NAALAD2: variants seen among roughly 807,000 people sequenced by gnomAD.
The protein encoded by NAALAD2 is N-acetylated-alpha-linked acidic dipeptidase 2.
A neutral mutation model predicts 95.6 loss-of-function variants in NAALAD2; 89 were observed. The observed-to-expected ratio is 0.93, with a 90% CI of 0.78 to 1.11. The LOEUF (loss-of-function observed/expected upper bound fraction) is 1.11, where lower values mean the gene tolerates loss of function less well. NAALAD2 is among the 50% of genes least tolerant of loss of function. The pLI, the probability that NAALAD2 is intolerant of heterozygous loss-of-function variation, is 0.00. For missense variants in NAALAD2, 894 were observed against 872.4 expected (o/e 1.02, Z -0.31); for synonymous variants, 264 against 294.4 (o/e 0.90, Z 1.06).
intron 18 of NAALAD2, among the ~76,000 whole-genome samples, chr11:90,188,666 AT>A (rs1857232298): frequency 6.6e-6 from 1 of 152,248 alleles, no homozygotes; most frequent in African/African-American, 2.4e-5. Context: ...AAGTTTCAAC[AT>A]ACGAATTTGG....
chr11:90,159,225 T>C lies in NAALAD2; in HGVS notation c.891-14T>C. On this transcript the variant is annotated splice_polypyrimidine_tract_variant and intron_variant, in intron 7 of 18. Coordinates refer to ENST00000534061, the MANE Select transcript of NAALAD2 (RefSeq NM_005467.4). Reference sequence around the variant, plus strand: ...TGGTAGCCTTTTTCTGTCACTTTCATTTTATTTTGTCAGCTACTTGGGAGG... The same window carrying C: ...TGGTAGCCTTTTTCTGTCACTTTCACTTTATTTTGTCAGCTACTTGGGAGG... The C allele has an allele frequency of 6.3e-7, 1 of 1,596,870 alleles. No individual in the cohort carries two copies. Among genetic ancestry groups the C allele is most frequent in the South Asian group, 1.1e-5 (1 of 90,110 alleles).
intron 8 of NAALAD2, among the ~76,000 whole-genome samples, chr11:90,160,799 A>T (rs1952271643): frequency 1.3e-5 from 2 of 152,216 alleles, no homozygotes; most frequent in South Asian, 4.1e-4. Context: ...TAGATATAAA[A>T]TAGCTGTGCT....
Position 90,178,020 on chromosome 11 carries a change from T to G in NAALAD2, c.1761T>G (p.Ile587Met), listed in dbSNP as rs1952853419. The G allele has an allele frequency of 1.9e-6, 3 of 1,613,826 alleles. No homozygotes were observed. The highest frequency in any genetic ancestry group is 1.7e-5 in the Admixed American group (1 of 59,984). The change falls in exon 16 of 19, where the codon ATT becomes ATG. Residue 587 changes from isoleucine (I) to methionine (M), a missense_variant. Ile to Met is a conservative substitution (Grantham distance 10). Transcript: ENST00000534061. ...LVDSKIIPFN[I>M]QDYAEALKNY... ...ATTCTAAAATCATTCCTTTTAATAT[T>G]CAAGACTATGCAGAAGCTTTGAAAA...
In NAALAD2 at chr11:90,172,816, A is replaced by G. The variant is rs1036610999; in HGVS notation, c.1411-1008A>G. Among the ~76,000 whole-genome samples the G allele has an allele frequency of 1.8e-3, 268 of 152,276 alleles. 2 individuals are homozygous for G. The highest frequency in any genetic ancestry group is 5.9e-3 in the African/African-American group (247 of 41,536). The stretch of plus-strand genomic sequence containing the variant: ...GAATAGTGGCACAGAAGTTAGAATA[A>G]CCAACTCTGTCTAAAGGCCAGAGAA... On this transcript the variant is annotated intron_variant, in intron 13 of 18. Coordinates refer to ENST00000534061, the MANE Select transcript of NAALAD2 (RefSeq NM_005467.4).
At chr11:90,158,683 T>C (rs1372157548) in intron 7 of NAALAD2, 1 of 175,008 alleles carries the variant, frequency 5.7e-6, no homozygotes, top group Non-Finnish European at 1.2e-5. Flanking sequence ...TTCTCCTTGA[T>C]AGGGTTATTA....
chr11:90,168,685 C>G (rs939635222), intron 11 of NAALAD2, among the ~76,000 whole-genome samples: 1 of 152,072 alleles, frequency 6.6e-6, no homozygotes, highest in African/African-American at 2.4e-5. Flanking sequence ...TTAGGGCTCT[C>G]TGCTATTGCT....
intron 17 of NAALAD2, among the ~76,000 whole-genome samples, chr11:90,181,906 T>C (rs931477630): frequency 2.0e-5 from 3 of 151,962 alleles, no homozygotes; most frequent in Non-Finnish European, 4.4e-5. Flanking sequence ...AATTAGAATT[T>C]TGCATTTTAA....
At chr11:90,162,393 T>G (rs2134915656) in intron 8 of NAALAD2, 1 of 152,270 alleles carries the variant, frequency 6.6e-6, no homozygotes, top group Admixed American at 6.5e-5. Flanking sequence ...AATTCTCATT[T>G]AACAACAGAA....
At chr11:90,178,546 C>T (rs955468932) in intron 16 of NAALAD2, among the ~76,000 whole-genome samples, 4 of 152,024 alleles carry the variant, frequency 2.6e-5, no homozygotes, top group African/African-American at 9.6e-5. Context: ...TGGTGGGCGC[C>T]TGTAGTCTCA....
At chr11:90,142,381 A>T (rs1951642101) in intron 2 of NAALAD2, among the ~76,000 whole-genome samples, 1 of 152,172 alleles carries the variant, frequency 6.6e-6, no homozygotes, top group Admixed American at 6.6e-5. Flanking sequence ...TCAAAACAGA[A>T]TGACCTTTTA....
chr11:90,177,926 A>G lies in NAALAD2; in HGVS notation c.1667A>G (p.Tyr556Cys), dbSNP rs1340987300. The G allele has an allele frequency of 6.8e-6, 11 of 1,613,916 alleles. No homozygotes were observed. The highest frequency in any genetic ancestry group is 2.2e-5 in the East Asian group (1 of 44,816). Reference sequence around the variant, plus strand: ...ACATTTGAATTGGTAGAGAAATTTTATGACCCCACATTTAAAAAACAACTT... The same window carrying G: ...ACATTTGAATTGGTAGAGAAATTTTGTGACCCCACATTTAAAAAACAACTT... The part of the protein sequence containing the change: ...YETFELVEKF[Y>C]DPTFKKQLSV... The change falls in exon 16 of 19, where the codon TAT (tyrosine) becomes TGT (cysteine). Residue 556 changes from tyrosine (Y) to cysteine (C), a missense_variant. By Grantham distance (194) the Tyr-to-Cys change is radical (BLOSUM62 -2). Coordinates refer to ENST00000534061, the MANE Select transcript of NAALAD2 (RefSeq NM_005467.4).
In NAALAD2 at chr11:90,159,231, T is replaced by G. The variant is rs751911578; in HGVS notation, c.891-8T>G. 3.1e-6 allele frequency: 5 copies of G among 1,604,994 alleles called. No individual in the cohort carries two copies. In the Admixed American group the frequency reaches 5.0e-5, roughly 16 times the overall value. On this transcript the variant is annotated splice_polypyrimidine_tract_variant and splice_region_variant and intron_variant, in intron 7 of 18. Transcript: ENST00000534061. ...CCTTTTTCTGTCACTTTCATTTTAT[T>G]TTGTCAGCTACTTGGGAGGAATTGC...
chr11:90,146,282 TAA>T (rs760910686), intron 2 of NAALAD2, among the ~76,000 whole-genome samples: 10 of 108,362 alleles, frequency 9.2e-5, no homozygotes, highest in African/African-American at 1.3e-4. Context: ...TCCGGTTAAC[TAA>T]AAAAAAAAAA....
chr11:90,135,797 T>C (rs1951441548), intron 2 of NAALAD2, 127 bp downstream of exon 2: 2 of 72,686 alleles, frequency 2.8e-5, no homozygotes, highest in Non-Finnish European at 2.0e-5. Flanking sequence ...AGTCATCAAC[T>C]TTTTTTTTTT....
rs1476507333 is a variant in NAALAD2, at chr11:90,191,478, ACAT to A, written c.2034-76_2034-74del. The stretch of plus-strand genomic sequence containing the variant: ...GAACAAAAGTGAGTATCACAAGGAA[ACAT>A]CATGTGGTCTAAACAAAAAGCATGC... On this transcript the variant is annotated intron_variant, in intron 18 of 18. Coordinates refer to ENST00000534061, the MANE Select transcript of NAALAD2 (RefSeq NM_005467.4). 3 of 976,218 alleles carry A rather than the reference ACAT, an allele frequency of 3.1e-6. No homozygotes were observed. In the African/African-American group the frequency reaches 5.0e-5, roughly 16 times the overall value. The allele number at this position is 976,218 out of a possible 1,614,324, so 60.5% of individuals were successfully genotyped here.
Position 90,175,970 on chromosome 11 carries a change from A to G in NAALAD2, c.1503-2A>G. Reference sequence around the variant, plus strand: ...TGTGTGTGGATTGCATTCTACATCTAGAATCAATAAGCTGGGATCTGGAAG... The same window carrying G: ...TGTGTGTGGATTGCATTCTACATCTGGAATCAATAAGCTGGGATCTGGAAG... On this transcript the variant is annotated splice_acceptor_variant, in intron 14 of 18. Coordinates refer to ENST00000534061, the MANE Select transcript of NAALAD2 (RefSeq NM_005467.4). LOFTEE classifies it high-confidence loss of function. 7 of 1,597,372 alleles carry G rather than the reference A, an allele frequency of 4.4e-6. No homozygotes were observed. The highest frequency in any genetic ancestry group is 6.0e-6 in the Non-Finnish European group (7 of 1,165,682).
chr11:90,159,404 C>A, intron 8 of NAALAD2, 67 bp downstream of exon 8: 2 of 1,178,596 alleles, frequency 1.7e-6, no homozygotes, highest in South Asian at 1.3e-5. Flanking sequence ...GTCAAGATAA[C>A]TGTTCTGCCA....
intron 18 of NAALAD2, among the ~76,000 whole-genome samples, chr11:90,186,984 AAAAC>A (rs1319237963): frequency 6.7e-6 from 1 of 150,084 alleles, no homozygotes; most frequent in Non-Finnish European, 1.5e-5. Flanking sequence ...TTACAAGAAA[AAAAC>A]AACCCCATCA....
chr11:90,181,675 A>G lies in NAALAD2; in HGVS notation c.1914A>G (p.Lys638=), dbSNP rs370160551. ...CAGAGGCTGCTTCAGATTTTCATAA[A>G]CGACTTATACAAGTTGATCTTAACA... is the stretch of plus-strand genomic sequence containing the variant. ...NFSEAASDFH[K]RLIQVDLNNP... Residue 638 remains lysine, a synonymous_variant, in exon 17 of 19, where the codon AAA becomes AAG. Transcript: ENST00000534061. 4.0e-5 allele frequency: 64 copies of G among 1,604,706 alleles called. No individual in the cohort carries two copies. Among genetic ancestry groups the G allele is most frequent in the Admixed American group, 6.8e-5 (4 of 58,770 alleles).
Sources: gnomAD v4.1 joint callset for allele counts (sites outside exome capture counted in the v4.1 genomes callset) on GRCh38, gnomAD v4.1.1 for gene constraint, MANE v1.5 for transcripts, NCBI Gene and HGNC (gene_info 2026-07-23, HGNC 2026-07-21) for gene names.